The following GON4L variants were observed in gnomAD, a reference collection of about 807,000 sequenced individuals.
GON4L encodes gon-4 like.
GON4L carries 87 observed loss-of-function variants against 211.8 expected under a neutral mutation model. That is an observed-to-expected ratio of 0.41 (90% CI 0.35 to 0.49). GON4L has a LOEUF of 0.49. Among genes scored for constraint, GON4L ranks in the 20% least tolerant of loss-of-function variants. The probability of loss-of-function intolerance (pLI) is 0.15; values close to 1 mark genes in which losing one functional copy is unlikely to be tolerated. For missense variants in GON4L, 2,155 were observed against 2,659.5 expected (o/e 0.81, Z 4.17); for synonymous variants, 875 against 962.6 (o/e 0.91, Z 1.68).
At chr1:155,821,341 C>T (rs1421535147) in intron 5 of GON4L, 133 bp downstream of exon 5, 3 of 518,092 alleles carry the variant, frequency 5.8e-6, no homozygotes, top group Non-Finnish European at 1.1e-5. Flanking sequence ...CCAAGTAATT[C>T]TTATGTTTTG....
At position 155,753,356 on chromosome 1, in the gene GON4L, G is replaced by C; in HGVS notation, c.5690C>G (p.Pro1897Arg). Residue 1897 changes from proline (P) to arginine (R), a missense_variant, in exon 29 of 32, where the codon CCC becomes CGC. Physicochemically the swap from Pro to Arg is moderately radical, Grantham distance 103. Coordinates refer to ENST00000368331, the MANE Select transcript of GON4L (RefSeq NM_001282860.2). ...AGGCATAGGACTAGCCTCTCGGTGGGGGCTGCTGCCCACCAACTCATGGGG... is the reference window on the plus strand; with the variant it reads ...AGGCATAGGACTAGCCTCTCGGTGGCGGCTGCTGCCCACCAACTCATGGGG... ...KEPHELVGSS[P>R]HREASPMPGA... 6.2e-7 allele frequency: 1 copy of C among 1,608,866 alleles called. No individual in the cohort carries two copies. The highest frequency in any genetic ancestry group is 1.1e-5 in the South Asian group (1 of 90,622).
intron 22 of GON4L, among the ~76,000 whole-genome samples, chr1:155,762,963 G>A (rs1191061745): frequency 1.3e-5 from 2 of 151,956 alleles, no homozygotes; most frequent in Admixed American, 1.3e-4. Context: ...TTGAACCTGG[G>A]AGGCAGAGGT....
At chr1:155,801,112 C>CAAAAAAAAAAAAAAAAAAAAAAAAA (rs367752032) in intron 11 of GON4L, among the ~76,000 whole-genome samples, 1 of 73,634 alleles carries the variant, frequency 1.4e-5, no homozygotes, top group Non-Finnish European at 2.4e-5. Context: ...TGCTGCTGCT[C>CAAAAAAAAAAAAAAAAAAAAAAAAA]AAAAAAAAAA....
At chr1:155,844,376 T>A (rs1415396753) in intron 2 of GON4L, among the ~76,000 whole-genome samples, 1 of 152,202 alleles carries the variant, frequency 6.6e-6, no homozygotes, top group Non-Finnish European at 1.5e-5. Context: ...AGGCTGAGGT[T>A]AACATTCAAA....
intron 19 of GON4L, 144 bp downstream of exon 19, chr1:155,770,923 G>C (rs1387682380): frequency 8.5e-7 from 1 of 1,174,108 alleles, no homozygotes; most frequent in African/African-American, 1.5e-5. Flanking sequence ...TTGCCCAAAA[G>C]GCAATAGGGG....
chr1:155,752,616 G>C, intron 29 of GON4L, 26 bp from the exon 30 acceptor site: 1 of 1,561,626 alleles, frequency 6.4e-7, no homozygotes, highest in Non-Finnish European at 8.7e-7. Flanking sequence ...AGGATCTCAG[G>C]GTACTGTCAG....
At chr1:155,822,534 C>T in intron 3 of GON4L, 58 bp from the exon 4 acceptor site, 3 of 1,299,818 alleles carry the variant, frequency 2.3e-6, no homozygotes, top group Non-Finnish European at 3.3e-6. Context: ...AGGAACTTAG[C>T]CCAGAAAGCC....
At chr1:155,822,217 T>A in intron 4 of GON4L, 69 bp downstream of exon 4, 1 of 1,306,042 alleles carries the variant, frequency 7.7e-7, no homozygotes, top group South Asian at 1.2e-5. Context: ...AAGAATTTGC[T>A]GAACATTTTT....
rs1172910366 is a variant in GON4L at position 155,752,453 on chromosome 1, C to T, written c.5980G>A (p.Val1994Ile). 6 of 1,570,572 alleles carry T rather than the reference C, an allele frequency of 3.8e-6. No individual in the cohort carries two copies. The East Asian group carries it at 9.4e-5, about 25-fold the overall frequency. Reference protein sequence around the residue: ...PPTTGAVLYTVKRNQVGPEVR... With the variant: ...PPTTGAVLYTIKRNQVGPEVR... ...TCAGGCCCAACCTGGTTTCTCTTAA[C>T]AGTGTACAGTACAGCTCCAGTTGTG... Residue 1994 changes from valine (V) to isoleucine (I), a missense_variant, in exon 30 of 32, where the codon GTT becomes ATT. By Grantham distance (29) the Val-to-Ile change is conservative (BLOSUM62 3). Transcript: ENST00000368331.
At chr1:155,797,522 A>T (rs1449992602) in intron 11 of GON4L, among the ~76,000 whole-genome samples, 1 of 151,738 alleles carries the variant, frequency 6.6e-6, no homozygotes, top group Non-Finnish European at 1.5e-5. Flanking sequence ...CCTGGCCATA[A>T]ATAAACATCT....
chr1:155,788,880 G>A (rs1665220237), intron 12 of GON4L, among the ~76,000 whole-genome samples: 1 of 152,146 alleles, frequency 6.6e-6, no homozygotes. Context: ...CACAAGGTCA[G>A]GAGATCGAGA....
rs574876331 is a variant in GON4L at position 155,757,610 on chromosome 1, C to G, written c.5253+281G>C. Among the ~76,000 whole-genome samples the G allele has an allele frequency of 7.4e-3, 1,108 of 148,780 alleles. 6 individuals carry two copies. Among genetic ancestry groups the G allele is most frequent in the Non-Finnish European group, 0.011 (757 of 67,198 alleles). ...GCAGAGCAAGGAGGTAAGGCCCCTC[C>G]CAGGTCCCAGAACCTCCTTCGCTGA... On this transcript the variant is annotated intron_variant, in intron 25 of 31. Coordinates refer to ENST00000368331, the MANE Select transcript of GON4L (RefSeq NM_001282860.2).
At position 155,776,458 on chromosome 1, in the gene GON4L, G is replaced by A. The variant is rs372222061; in HGVS notation, c.2115C>T (p.Ile705=). 5.6e-6 allele frequency: 9 copies of A among 1,612,922 alleles called. No individual in the cohort carries two copies. The African/African-American group carries it at 1.2e-4, about 22-fold the overall frequency. Residue 705 remains isoleucine, a synonymous_variant, in exon 16 of 32, where the codon ATC becomes ATT. Transcript: ENST00000368331. ...TGGGGTTGCAGGTGGCAAGAAGGTGGATTTGGGTCAAGAGCTGAACGTGCT... is the reference window on the plus strand; with the variant it reads ...TGGGGTTGCAGGTGGCAAGAAGGTGAATTTGGGTCAAGAGCTGAACGTGCT... The part of the protein sequence containing the change: ...MQQHVQLLTQ[I]HLLATCNPNL...
chr1:155,829,756 T>C (rs1669571734), intron 2 of GON4L, among the ~76,000 whole-genome samples: 1 of 152,218 alleles, frequency 6.6e-6, no homozygotes, highest in African/African-American at 2.4e-5. Context: ...TCAGCTTCTC[T>C]TTCTGAGGTC....
intron 2 of GON4L, among the ~76,000 whole-genome samples, chr1:155,832,679 G>GT (rs1669913677): frequency 6.6e-6 from 1 of 151,898 alleles, no homozygotes; most frequent in Admixed American, 6.6e-5. Context: ...CAACAAAAAG[G>GT]TATCAATTGT....
At chr1:155,751,895 C>A (rs766101240) in intron 30 of GON4L, 26 bp from the exon 31 acceptor site, 2 of 1,611,914 alleles carry the variant, frequency 1.2e-6, no homozygotes, top group Admixed American at 3.3e-5. Context: ...CATGATTAAC[C>A]CTAGGGAGCC....
chr1:155,790,359 A>G (rs1371865583), intron 12 of GON4L, among the ~76,000 whole-genome samples: 1 of 151,540 alleles, frequency 6.6e-6, no homozygotes, highest in African/African-American at 2.4e-5. Context: ...TGGCCTCCCA[A>G]AGTGCTGGGA....
At chr1:155,848,504 C>T (rs112179876) in intron 2 of GON4L, among the ~76,000 whole-genome samples, 2 of 152,310 alleles carry the variant, frequency 1.3e-5, no homozygotes, top group African/African-American at 4.8e-5. Context: ...ACTCTTTCTA[C>T]CTGAAGCCTT....
intron 24 of GON4L, among the ~76,000 whole-genome samples, chr1:155,758,370 C>T (rs529464589): frequency 5.9e-5 from 9 of 152,226 alleles, no homozygotes; most frequent in Non-Finnish European, 2.9e-5. Flanking sequence ...TCAGGCTGCA[C>T]AAGGTGGCTC....
Sources: gnomAD v4.1 joint callset for allele counts (sites outside exome capture counted in the v4.1 genomes callset) on GRCh38, gnomAD v4.1.1 for gene constraint, MANE v1.5 for transcripts, NCBI Gene and HGNC (gene_info 2026-07-23, HGNC 2026-07-21) for gene names.